NEBL: variants seen among roughly 807,000 people sequenced by gnomAD.
NEBL encodes the protein LIM and SH3 protein 2.
NEBL carries 122 observed loss-of-function variants against 140.2 expected under a neutral mutation model. That is an observed-to-expected ratio of 0.87 (90% CI 0.75 to 1.01). The LOEUF (loss-of-function observed/expected upper bound fraction) is 1.01. Ranked by LOEUF, NEBL falls within the 50% of genes least tolerant of loss-of-function variation. The pLI is 0.00. For synonymous variants in NEBL, 436 were observed against 398.9 expected (o/e 1.09, Z -1.11); for missense variants, 1,365 against 1,231.3 (o/e 1.11, Z -1.62).
At chr10:20,849,599 G>C (rs555957439) in intron 11 of NEBL, among the ~76,000 whole-genome samples, 3 of 152,274 alleles carry the variant, frequency 2.0e-5, no homozygotes, top group East Asian at 1.9e-4. Flanking sequence ...AGCACTCTCT[G>C]TCTTTCCACC....
intron 26 of NEBL, among the ~76,000 whole-genome samples, chr10:20,791,942 T>C (rs1308390465): frequency 1.3e-5 from 2 of 152,102 alleles, no homozygotes; most frequent in South Asian, 2.1e-4. Context: ...CTAAAACAGA[T>C]ACCATTCCCA....
intron 4 of NEBL, among the ~76,000 whole-genome samples, chr10:20,886,070 G>C (rs923188316): frequency 6.6e-6 from 1 of 152,068 alleles, no homozygotes; most frequent in South Asian, 2.1e-4. Context: ...ATGCATGCTG[G>C]GCTTAATACC....
intron 1 of NEBL, among the ~76,000 whole-genome samples, chr10:21,259,935 T>G (rs1588573103): frequency 6.6e-6 from 1 of 152,256 alleles, no homozygotes; most frequent in East Asian, 1.9e-4. Context: ...TGGCAGCCAC[T>G]TTGCAACCAA....
chr10:21,184,929 T>C (rs1841441902), intron 3 of NEBL, among the ~76,000 whole-genome samples: 1 of 152,186 alleles, frequency 6.6e-6, no homozygotes, highest in East Asian at 1.9e-4. Flanking sequence ...TTTCCTGTGT[T>C]TTCCAAATTT....
chr10:20,814,470 C>T (rs867087735), intron 22 of NEBL, among the ~76,000 whole-genome samples: 26 of 151,748 alleles, frequency 1.7e-4, no homozygotes, highest in Admixed American at 3.9e-4. Context: ...ATTAGTTGGG[C>T]GTGTGCCTGT....
intron 2 of NEBL, among the ~76,000 whole-genome samples, chr10:21,063,175 G>A (rs1835376890): frequency 6.6e-6 from 1 of 152,020 alleles, no homozygotes. Context: ...CACTTAAATG[G>A]CCCTCTTAAC....
At chr10:21,129,270 TTTTTA>T (rs898030607) in intron 2 of NEBL, among the ~76,000 whole-genome samples, 38 of 151,968 alleles carry the variant, frequency 2.5e-4, no homozygotes, top group Non-Finnish European at 3.5e-4. Context: ...TTTTTTAACT[TTTTTA>T]TTTTATTTTA....
intron 26 of NEBL, among the ~76,000 whole-genome samples, chr10:20,799,969 G>A (rs567101172): frequency 4.6e-5 from 7 of 151,566 alleles, no homozygotes; most frequent in Admixed American, 2.0e-4. Flanking sequence ...AAGAGAGAGC[G>A]CACGCGTGTG....
intron 1 of NEBL, among the ~76,000 whole-genome samples, chr10:21,275,661 A>G (rs1371440037): frequency 7.9e-6 from 1 of 127,280 alleles, no homozygotes; most frequent in Non-Finnish European, 1.6e-5. Context: ...TTTTTTTGAG[A>G]CAGAGTTTTG....
At chr10:21,061,137 C>T (rs1204031997) in intron 2 of NEBL, among the ~76,000 whole-genome samples, 11 of 151,064 alleles carry the variant, frequency 7.3e-5, no homozygotes, top group African/African-American at 2.7e-4. Context: ...GAGCATGTCC[C>T]CTTTTTTATA....
At chr10:20,868,501 C>T in intron 7 of NEBL, 163 bp downstream of exon 7, 1 of 633,802 alleles carries the variant, frequency 1.6e-6, no homozygotes, top group Admixed American at 2.8e-5. Context: ...TTTTCCTTTA[C>T]TGAAATTCAT....
chr10:20,997,393 A>C (rs368253265), intron 3 of NEBL, among the ~76,000 whole-genome samples: 16 of 139,654 alleles, frequency 1.1e-4, no homozygotes, highest in African/African-American at 3.9e-4. Context: ...CAAGGTGGGG[A>C]AGGAAGTGGC....
intron 3 of NEBL, among the ~76,000 whole-genome samples, chr10:21,216,497 G>A (rs1841994477): frequency 6.6e-6 from 1 of 152,096 alleles, no homozygotes; most frequent in African/African-American, 2.4e-5. Flanking sequence ...CTTGGGCCAG[G>A]CGCAGTGGTT....
intron 3 of NEBL, among the ~76,000 whole-genome samples, chr10:21,186,212 A>C (rs1841467820): frequency 6.6e-6 from 1 of 152,060 alleles, no homozygotes; most frequent in South Asian, 2.1e-4. Flanking sequence ...GAAATCAGAG[A>C]GAACATACAT....
chr10:20,888,750 A>G (rs1271612103), intron 3 of NEBL, among the ~76,000 whole-genome samples: 2 of 152,236 alleles, frequency 1.3e-5, no homozygotes, highest in Non-Finnish European at 2.9e-5. Context: ...TGGGAAAACT[A>G]AGGTTCAAGG....
In NEBL at chr10:20,831,255, C is replaced by T. The variant is rs75324054; in HGVS notation, c.1612G>A (p.Val538Met). 7 of 1,613,478 alleles carry T rather than the reference C, an allele frequency of 4.3e-6. No homozygotes were observed. The highest frequency in any genetic ancestry group is 1.6e-4 in the Middle Eastern group (1 of 6,084). The change falls in exon 16 of 28, where the codon GTG becomes ATG. Residue 538 changes from valine to methionine, a missense_variant. By Grantham distance (21) the Val-to-Met change is conservative. Around this residue, in one of 2 missense-constraint regions of NEBL, gnomAD observed 1,323 missense variants for 1,154.8 expected, o/e 1.15. Transcript: ENST00000377122. ...ENEIKGKGMQ[V>M]SMDIPDILRA... ...AGGATATCTGGGATATCCATGCTCA[C>T]TTGCATTCCTTTCCCTTTAATTTCA... is the stretch of plus-strand genomic sequence containing the variant.
rs557719799 is a variant in NEBL at position 20,934,728 on chromosome 10, A to G, written c.357+26944T>C. Among the ~76,000 whole-genome samples the G allele has an allele frequency of 3.9e-5, 6 of 152,278 alleles. No homozygotes were observed. The South Asian group carries it at 8.3e-4, about 21-fold the overall frequency. ...CTGCTACCAAGCTGTGTTGGTTTGT[A>G]GTGTCAGAGTAAAATAAACCTCTAT... is the stretch of plus-strand genomic sequence containing the variant. On this transcript the variant is annotated intron_variant, in intron 4 of 6. Coordinates refer to the NEBL transcript ENST00000417816.
At chr10:21,026,202 C>T (rs184375448) in intron 2 of NEBL, among the ~76,000 whole-genome samples, 357 of 152,282 alleles carry the variant, frequency 2.3e-3, no homozygotes, top group African/African-American at 7.2e-3. Context: ...CCTCAGAGGA[C>T]ATTTGGCAAT....
chr10:21,109,722 T>C (rs774704203), intron 2 of NEBL, among the ~76,000 whole-genome samples: 1 of 152,198 alleles, frequency 6.6e-6, no homozygotes, highest in Non-Finnish European at 1.5e-5. Flanking sequence ...CCTGGTTTAG[T>C]CTTGGGAGAA....
Sources: allele counts gnomAD v4.1 joint callset (sites outside exome capture counted in the v4.1 genomes callset), GRCh38; gene constraint gnomAD v4.1.1; regional missense constraint gnomAD v4.1.1; transcripts MANE v1.5; gene names NCBI Gene and HGNC (gene_info 2026-07-23, HGNC 2026-07-21).